Variants in FGF14 observed in about 807,000 individuals in gnomAD.
The protein encoded by FGF14 is fibroblast growth factor 14.
In FGF14, 5 loss-of-function variants were observed where a neutral mutation model predicts 25.5. The observed-to-expected ratio is 0.20, with a 90% CI of 0.10 to 0.41. The LOEUF (loss-of-function observed/expected upper bound fraction) is 0.41, where lower values mean the gene tolerates loss of function less well. FGF14 is among the 10% of genes least tolerant of loss of function. The pLI is 1.00. For synonymous variants in FGF14, 138 were observed against 118.3 expected (o/e 1.17, Z -1.08); for missense variants, 222 against 320.1 (o/e 0.69, Z 2.34).
At chr13:102,063,982 A>G (rs961540300) in intron 1 of FGF14, among the ~76,000 whole-genome samples, 1 of 152,204 alleles carries the variant, frequency 6.6e-6, no homozygotes, top group Non-Finnish European at 1.5e-5. Context: ...AGTAAACCAT[A>G]CTTGCTATAA....
intron 1 of FGF14, among the ~76,000 whole-genome samples, chr13:102,241,706 A>G (rs947899081): frequency 9.2e-5 from 14 of 152,106 alleles, no homozygotes; most frequent in Non-Finnish European, 1.6e-4. Context: ...CTATCCTTCC[A>G]TTACCTACAG....
chr13:102,058,387 G>GT (rs2042529761), intron 1 of FGF14, among the ~76,000 whole-genome samples: 2 of 152,112 alleles, frequency 1.3e-5, no homozygotes, highest in South Asian at 4.2e-4. Flanking sequence ...TTTTTATCAG[G>GT]TAAGGATCAA....
intron 1 of FGF14, among the ~76,000 whole-genome samples, chr13:101,964,378 G>A (rs1295503173): frequency 6.6e-6 from 1 of 152,214 alleles, no homozygotes; most frequent in African/African-American, 2.4e-5. Flanking sequence ...TAAGGATGAT[G>A]TTTAATGAAA....
chr13:102,161,722 A>AAGAAGG (rs1566766175), intron 1 of FGF14, among the ~76,000 whole-genome samples: 2 of 149,236 alleles, frequency 1.3e-5, no homozygotes, highest in African/African-American at 2.4e-5. Flanking sequence ...GAAGAAGAAG[A>AAGAAGG]AGAATAGAAA....
chr13:102,367,082 A>G (rs534260923), intron 1 of FGF14, among the ~76,000 whole-genome samples: 1 of 152,340 alleles, frequency 6.6e-6, no homozygotes, highest in South Asian at 2.1e-4. Context: ...AATTACCCCA[A>G]AACTTAGCTT....
chr13:102,196,379 A>G (rs890643486), intron 1 of FGF14, among the ~76,000 whole-genome samples: 7 of 152,202 alleles, frequency 4.6e-5, no homozygotes, highest in African/African-American at 1.7e-4. Context: ...AGTCAATTGT[A>G]AAGAAATTTG....
Position 101,969,952 on chromosome 13 carries a change from G to T in FGF14, c.209-94656C>A, listed in dbSNP as rs148226232. Among the ~76,000 whole-genome samples the T allele has an allele frequency of 6.4e-3, 977 of 152,282 alleles. 11 individuals carry two copies. The highest frequency in any genetic ancestry group is 0.022 in the African/African-American group (913 of 41,560). On this transcript the variant is annotated intron_variant, in intron 1 of 4. Coordinates refer to the FGF14 transcript ENST00000376131. The stretch of plus-strand genomic sequence containing the variant: ...GGTAGCAAACATTCGTAATTTATGG[G>T]TCAGAACATTTCAGATGCTTTCTCT...
At chr13:102,003,464 G>A (rs1020412224) in intron 1 of FGF14, among the ~76,000 whole-genome samples, 11 of 152,220 alleles carry the variant, frequency 7.2e-5, no homozygotes, top group African/African-American at 2.4e-4. Context: ...GCAGGGCAGT[G>A]TAAGACATGA....
At chr13:101,809,057 A>T (rs1696785821) in intron 3 of FGF14, among the ~76,000 whole-genome samples, 1 of 152,134 alleles carries the variant, frequency 6.6e-6, no homozygotes, top group Admixed American at 6.6e-5. Context: ...TTGGCTTTTG[A>T]TAAATTGGGG....
intron 1 of FGF14, among the ~76,000 whole-genome samples, chr13:102,349,305 T>C (rs1408650331): frequency 6.6e-6 from 1 of 152,206 alleles, no homozygotes; most frequent in Admixed American, 6.5e-5. Flanking sequence ...CTGGTTGTGC[T>C]GACATAGTCA....
At chr13:102,323,957 A>ATGTG (rs3066051) in intron 1 of FGF14, among the ~76,000 whole-genome samples, 3,012 of 136,478 alleles carry the variant, frequency 0.022, 41 homozygotes, top group South Asian at 0.047. Context: ...AACGTGCAGT[A>ATGTG]TGTGTGTGTG....
chr13:102,268,844 T>C (rs568560070), intron 1 of FGF14, among the ~76,000 whole-genome samples: 1 of 152,290 alleles, frequency 6.6e-6, no homozygotes, highest in South Asian at 2.1e-4. Context: ...ACTAATCTTT[T>C]GATAAGTTTA....
At chr13:101,746,402 A>C (rs1404501669) in intron 3 of FGF14, among the ~76,000 whole-genome samples, 1 of 152,016 alleles carries the variant, frequency 6.6e-6, no homozygotes. Context: ...CATGCTTCTC[A>C]GTCATCTTAT....
intron 1 of FGF14, among the ~76,000 whole-genome samples, chr13:102,377,448 C>A (rs895510597): frequency 6.6e-6 from 1 of 151,958 alleles, no homozygotes; most frequent in Non-Finnish European, 1.5e-5. Flanking sequence ...TTAAAATATC[C>A]ATTTTGGCAT....
intron 1 of FGF14, among the ~76,000 whole-genome samples, chr13:102,007,992 A>G (rs2039894813): frequency 6.6e-6 from 1 of 152,202 alleles, no homozygotes; most frequent in Non-Finnish European, 1.5e-5. Flanking sequence ...TTGCACTGAG[A>G]ATCAAGGCAG....
chr13:102,310,696 TGGG>T (rs1181823636), intron 1 of FGF14, among the ~76,000 whole-genome samples: 3 of 3,476 alleles, frequency 8.6e-4, no homozygotes, highest in Non-Finnish European at 5.2e-4. Context: ...TGTGTGTGTG[TGGG>T]GGGGGGGGGG....
At chr13:101,852,628 T>A (rs968448660) in intron 3 of FGF14, among the ~76,000 whole-genome samples, 1 of 152,056 alleles carries the variant, frequency 6.6e-6, no homozygotes, top group South Asian at 2.1e-4. Context: ...GGAAATGTCT[T>A]TGTCAGGACA....
chr13:102,201,142 T>C (rs1278594025), intron 1 of FGF14, among the ~76,000 whole-genome samples: 1 of 145,744 alleles, frequency 6.9e-6, no homozygotes, highest in Non-Finnish European at 1.5e-5. Flanking sequence ...AAAAGACTAA[T>C]GTCTTCTTTA....
At chr13:102,161,635 AAGAAGAAGAAGAAGAAGAAGAAGAAG>A (rs2047717182) in intron 1 of FGF14, among the ~76,000 whole-genome samples, 2 of 11,414 alleles carry the variant, frequency 1.8e-4, no homozygotes, top group Non-Finnish European at 3.0e-4. Context: ...GAAGAAGAAG[AAGAAGAAGAAGAAGAAGAAGAAGAAG>A]AAGAAGAAGA....
Sources: gnomAD v4.1 joint callset for allele counts (sites outside exome capture counted in the v4.1 genomes callset) on GRCh38, gnomAD v4.1.1 for gene constraint, MANE v1.5 for transcripts, NCBI Gene and HGNC (gene_info 2026-07-23, HGNC 2026-07-21) for gene names.